The following CDH18 variants were observed in gnomAD, a reference collection of about 807,000 sequenced individuals.
CDH18 encodes the protein cadherin 18.
CDH18 carries 31 observed loss-of-function variants against 67.9 expected under a neutral mutation model. The ratio of observed to expected loss-of-function variants is 0.46; its 90% CI spans 0.34 to 0.62. The LOEUF (loss-of-function observed/expected upper bound fraction) is 0.62, where lower values mean the gene tolerates loss of function less well. Ranked by LOEUF, CDH18 falls within the 20% of genes least tolerant of loss-of-function variation. The pLI is 0.01. For synonymous variants in CDH18, 362 were observed against 347.2 expected, an observed-to-expected ratio of 1.04 and a Z score of -0.48; for missense variants, 890 against 975.5, an observed-to-expected ratio of 0.91 and a Z score of 1.17.
At chr5:20,093,938 T>C (rs1444946454) in intron 2 of CDH18, among the ~76,000 whole-genome samples, 1 of 152,088 alleles carries the variant, frequency 6.6e-6, no homozygotes, top group Non-Finnish European at 1.5e-5. Context: ...AGGAGAATAA[T>C]CCCATACCCA....
intron 3 of CDH18, chr5:19,803,846 G>A (rs1428755158): frequency 6.6e-6 from 1 of 152,162 alleles, no homozygotes. Flanking sequence ...CCTAGGCCGG[G>A]CGCGGTGGCT....
chr5:20,241,348 T>C (rs750260771), intron 2 of CDH18, among the ~76,000 whole-genome samples: 18 of 152,130 alleles, frequency 1.2e-4, no homozygotes, highest in Non-Finnish European at 2.1e-4. Context: ...ATTCTTCATA[T>C]TACGCCAGTC....
At chr5:20,231,049 G>GCATT (rs963196398) in intron 2 of CDH18, among the ~76,000 whole-genome samples, 2 of 152,160 alleles carry the variant, frequency 1.3e-5, no homozygotes, top group African/African-American at 2.4e-5. Context: ...TTGTTTCTTG[G>GCATT]CATTGGTAGG....
chr5:20,019,548 T>C (rs112648048), intron 2 of CDH18, among the ~76,000 whole-genome samples: 3 of 152,246 alleles, frequency 2.0e-5, no homozygotes, highest in African/African-American at 7.2e-5. Flanking sequence ...TCAAAGTGTG[T>C]GGTATCTTTT....
At chr5:19,678,832 C>G (rs1251126205) in intron 5 of CDH18, among the ~76,000 whole-genome samples, 1 of 151,852 alleles carries the variant, frequency 6.6e-6, no homozygotes, top group Non-Finnish European at 1.5e-5. Context: ...CAGAAAATGT[C>G]CAGGACCAGA....
chr5:19,719,404 G>T (rs1765725673), intron 5 of CDH18, among the ~76,000 whole-genome samples: 1 of 151,974 alleles, frequency 6.6e-6, no homozygotes, highest in African/African-American at 2.4e-5. Flanking sequence ...CCTCTAGGGA[G>T]ATGTGTATTT....
At chr5:19,845,440 TC>T (rs1782825075) in intron 2 of CDH18, among the ~76,000 whole-genome samples, 1 of 152,172 alleles carries the variant, frequency 6.6e-6, no homozygotes, top group South Asian at 2.1e-4. Flanking sequence ...ACGTGATCTA[TC>T]CTGGAAAATG....
chr5:19,880,746 G>A (rs1787553408), intron 2 of CDH18, among the ~76,000 whole-genome samples: 1 of 152,054 alleles, frequency 6.6e-6, no homozygotes, highest in Admixed American at 6.6e-5. Context: ...ATTTTTTAAT[G>A]CAACATCCAA....
At chr5:20,197,324 G>T (rs1354256068) in intron 2 of CDH18, among the ~76,000 whole-genome samples, 1 of 152,052 alleles carries the variant, frequency 6.6e-6, no homozygotes, top group African/African-American at 2.4e-5. Context: ...CATTTTTCTG[G>T]TATTGCATTT....
At chr5:19,475,377 C>A (rs1579658371) in intron 12 of CDH18, among the ~76,000 whole-genome samples, 1 of 151,908 alleles carries the variant, frequency 6.6e-6, no homozygotes, top group South Asian at 2.1e-4. Flanking sequence ...TACAGTTTGC[C>A]AAACTTATCT....
At chr5:20,423,509 A>G (rs1748024784) in intron 1 of CDH18, among the ~76,000 whole-genome samples, 1 of 151,250 alleles carries the variant, frequency 6.6e-6, no homozygotes. Context: ...AAGAAACGCA[A>G]AATGCAATAC....
At chr5:20,549,596 AGAC>A (rs1235899487) in intron 1 of CDH18, among the ~76,000 whole-genome samples, 5 of 152,182 alleles carry the variant, frequency 3.3e-5, no homozygotes, top group African/African-American at 4.8e-5. Context: ...ACATTACAGA[AGAC>A]ATTTTTTAAG....
chr5:20,550,406 G>A (rs942604286), intron 1 of CDH18, among the ~76,000 whole-genome samples: 4 of 152,264 alleles, frequency 2.6e-5, no homozygotes, highest in African/African-American at 9.6e-5. Context: ...GTAATACAAG[G>A]ACCTAAAGGT....
At chr5:19,862,030 A>C (rs139572117) in intron 2 of CDH18, among the ~76,000 whole-genome samples, 144 of 152,270 alleles carry the variant, frequency 9.5e-4, no homozygotes, top group East Asian at 4.3e-3. Flanking sequence ...TGAATTCGAC[A>C]TAGGTGGAAA....
rs2150048735 is a variant in CDH18, at chr5:19,596,619, CA to C, written c.812-5376del. 1.3e-5 allele frequency among the ~76,000 whole-genome samples: 2 copies of C among 152,216 alleles called. 1 individual carries two copies. The highest frequency in any genetic ancestry group is 3.9e-4 in the East Asian group (2 of 5,182). The stretch of plus-strand genomic sequence containing the variant: ...AGCGTTATAAAGAAGGTTGTTTTCA[CA>C]AAGCGGATTGCAAAAAACTGTTCAA... On this transcript the variant is annotated intron_variant, in intron 6 of 12. Transcript: ENST00000382275.
At chr5:19,677,613 G>A (rs1045599868) in intron 5 of CDH18, among the ~76,000 whole-genome samples, 1 of 151,792 alleles carries the variant, frequency 6.6e-6, no homozygotes, top group African/African-American at 2.4e-5. Flanking sequence ...AAGGAACAGA[G>A]TGGCAAGTTG....
In CDH18 at chr5:19,994,855, T is replaced by TATATAGAGAGAG. The variant is rs760777430; in HGVS notation, c.-517-2842_-517-2841insCTCTCTCTATAT. 2.3e-3 allele frequency among the ~76,000 whole-genome samples: 157 copies of TATATAGAGAGAG among 67,586 alleles called. 25 individuals are homozygous for TATATAGAGAGAG. Among genetic ancestry groups the TATATAGAGAGAG allele is most frequent in the East Asian group, 0.021 (40 of 1,872 alleles). 44.3% of individuals were successfully genotyped at this position (67,586 alleles called of 152,430 possible). A position where few individuals can be genotyped will look rare whatever the true frequency, so the allele number is the denominator to read the frequency against. On this transcript the variant is annotated intron_variant, in intron 2 of 14. Coordinates refer to the CDH18 transcript ENST00000507958. Reference sequence around the variant, plus strand: ...ATATATATATATATATATATATATATAGAGAGAGAGAGAGAGAGAGAGATG... The same window carrying TATATAGAGAGAG: ...ATATATATATATATATATATATATATATATAGAGAGAGAGAGAGAGAGAGAGAGAGAGAGATG...
At chr5:20,018,004 G>A (rs986813563) in intron 2 of CDH18, among the ~76,000 whole-genome samples, 2 of 152,154 alleles carry the variant, frequency 1.3e-5, no homozygotes, top group Non-Finnish European at 2.9e-5. Flanking sequence ...TTGGGAGTAT[G>A]AGAGAGAGAA....
At chr5:20,532,188 G>A (rs1756445232) in intron 1 of CDH18, among the ~76,000 whole-genome samples, 2 of 151,996 alleles carry the variant, frequency 1.3e-5, no homozygotes, top group South Asian at 4.1e-4. Context: ...TAACAGAATA[G>A]TCTACACAAA....
Sources: allele counts gnomAD v4.1 joint callset (sites outside exome capture counted in the v4.1 genomes callset), GRCh38; gene constraint gnomAD v4.1.1; transcripts MANE v1.5; gene names NCBI Gene and HGNC (gene_info 2026-07-23, HGNC 2026-07-21).